The following DLGAP2 variants were observed in gnomAD, a reference collection of about 807,000 sequenced individuals.
DLGAP2 encodes disks large-associated protein 2.
A neutral mutation model predicts 100.3 loss-of-function variants in DLGAP2; 26 were observed. The ratio of observed to expected loss-of-function variants is 0.26; its 90% CI spans 0.19 to 0.36. The LOEUF (loss-of-function observed/expected upper bound fraction) is 0.36, where lower values mean the gene tolerates loss of function less well. DLGAP2 is among the 10% of genes least tolerant of loss of function. The probability of loss-of-function intolerance (pLI) is 1.00; values close to 1 mark genes in which losing one functional copy is unlikely to be tolerated. For missense variants in DLGAP2, 1,858 were observed against 1,453.2 expected (o/e 1.28, Z -4.53); for synonymous variants, 886 against 630.1 (o/e 1.41, Z -6.08).
intron 2 of DLGAP2, among the ~76,000 whole-genome samples, chr8:1,190,394 GGTCGGGGCATCTGCT>G (rs1353112576): frequency 4.0e-5 from 6 of 151,184 alleles, no homozygotes; most frequent in South Asian, 2.1e-4. Context: ...CGAGAGTCAG[GGTCGGGGCATCTGCT>G]GTTGGGGCAT....
At chr8:1,333,189 G>C (rs924165732) in intron 3 of DLGAP2, among the ~76,000 whole-genome samples, 9 of 152,140 alleles carry the variant, frequency 5.9e-5, no homozygotes, top group African/African-American at 2.2e-4. Context: ...TCCGCAGACT[G>C]TCTTCTGGCA....
chr8:1,559,202 C>G (rs1020489549), intron 5 of DLGAP2, among the ~76,000 whole-genome samples: 1 of 152,128 alleles, frequency 6.6e-6, no homozygotes, highest in South Asian at 2.1e-4. Flanking sequence ...AATTGATTGG[C>G]GTTAAATGCA....
chr8:1,025,287 G>C lies in DLGAP2; in HGVS notation c.73+117321G>C, dbSNP rs573727556. On this transcript the variant is annotated intron_variant, in intron 2 of 14. Transcript: ENST00000637795. ...TCACACTCCCCCGACCTGGATCCCC[G>C]ATCCTGAATCCAAACTTCATGACGT... Among the ~76,000 whole-genome samples, 171 of 152,136 alleles carry C rather than the reference G, an allele frequency of 1.1e-3. 1 individual carries two copies. The highest frequency in any genetic ancestry group is 2.1e-3 in the Non-Finnish European group (145 of 68,002).
At chr8:1,514,457 C>G (rs1331776294) in intron 4 of DLGAP2, among the ~76,000 whole-genome samples, 1 of 152,198 alleles carries the variant, frequency 6.6e-6, no homozygotes, top group East Asian at 1.9e-4. Flanking sequence ...GCTACTGTAT[C>G]AAGGAACAGC....
chr8:1,237,001 G>T (rs1196714424), intron 2 of DLGAP2, among the ~76,000 whole-genome samples: 3 of 140,914 alleles, frequency 2.1e-5, no homozygotes, highest in Non-Finnish European at 4.6e-5. Context: ...CACACATAGC[G>T]TCATGTCTAG....
intron 1 of DLGAP2, among the ~76,000 whole-genome samples, chr8:758,391 T>C (rs564364520): frequency 1.3e-5 from 2 of 152,212 alleles, no homozygotes; most frequent in South Asian, 2.1e-4. Context: ...TTAAAAATGA[T>C]TTAATATTTA....
chr8:1,301,129 A>C (rs1744896085), intron 3 of DLGAP2: 1 of 152,366 alleles, frequency 6.6e-6, no homozygotes, highest in South Asian at 2.1e-4. Flanking sequence ...TCTCATAGGC[A>C]GCGTGGCTGT....
intron 2 of DLGAP2, among the ~76,000 whole-genome samples, chr8:1,089,948 G>A (rs561509764): frequency 1.3e-5 from 2 of 152,180 alleles, no homozygotes; most frequent in Non-Finnish European, 2.9e-5. Context: ...TGACTTTACT[G>A]GAAGAAGTGA....
chr8:1,321,751 C>T (rs1177436109), intron 3 of DLGAP2, among the ~76,000 whole-genome samples: 2 of 152,152 alleles, frequency 1.3e-5, no homozygotes, highest in African/African-American at 4.8e-5. Context: ...TTTAGTGATT[C>T]TCTGACTTTA....
intron 3 of DLGAP2, among the ~76,000 whole-genome samples, chr8:1,472,771 C>T (rs1206713730): frequency 6.6e-6 from 1 of 152,154 alleles, no homozygotes; most frequent in Non-Finnish European, 1.5e-5. Flanking sequence ...GACAAGGATG[C>T]ACAGTGAGTT....
rs147451150 is a variant in DLGAP2, at chr8:1,621,674, C to T, written c.1443-5066C>T. 355 of 152,576 alleles carry T rather than the reference C, an allele frequency of 2.3e-3. 2 individuals carry two copies. Among genetic ancestry groups the T allele is most frequent in the Admixed American group, 8.8e-3 (135 of 15,304 alleles). 9.5% of individuals were successfully genotyped at this position (152,576 alleles called of 1,614,324 possible). On this transcript the variant is annotated intron_variant, in intron 6 of 14. Coordinates refer to ENST00000637795, the MANE Select transcript of DLGAP2 (RefSeq NM_001346810.2). ...GAGCGGGGTCACATCTCGGAGGCACCGTCAGCACCAGGAGGGCAGCCAAGC... is the reference window on the plus strand; with the variant it reads ...GAGCGGGGTCACATCTCGGAGGCACTGTCAGCACCAGGAGGGCAGCCAAGC...
At chr8:769,074 C>G (rs565766437) in intron 1 of DLGAP2, among the ~76,000 whole-genome samples, 72 of 152,178 alleles carry the variant, frequency 4.7e-4, no homozygotes, top group African/African-American at 1.7e-3. Context: ...CAGGTGTGGT[C>G]CCGCACAAGC....
intron 2 of DLGAP2, among the ~76,000 whole-genome samples, chr8:1,197,853 C>G (rs1422467953): frequency 6.6e-6 from 1 of 152,146 alleles, no homozygotes; most frequent in Non-Finnish European, 1.5e-5. Flanking sequence ...TGAGTGGAAT[C>G]AGGTTTCTCG....
chr8:1,340,699 C>T (rs1801397485), intron 3 of DLGAP2, among the ~76,000 whole-genome samples: 1 of 152,152 alleles, frequency 6.6e-6, no homozygotes, highest in African/African-American at 2.4e-5. Context: ...AAGACAAACA[C>T]CATTGGACTC....
At chr8:1,238,585 GTTACCTATCACATGGTGCCGTGTCTA>G in intron 2 of DLGAP2, among the ~76,000 whole-genome samples, 2 of 67,420 alleles carry the variant, frequency 3.0e-5, no homozygotes, top group African/African-American at 1.2e-4. Flanking sequence ...GCCGTGTCTA[GTTACCTATCACATGGTGCCGTGTCTA>G]GTTCTCTCAC....
chr8:1,281,449 C>T (rs576374583), intron 3 of DLGAP2, among the ~76,000 whole-genome samples: 8 of 152,248 alleles, frequency 5.3e-5, no homozygotes, highest in East Asian at 1.9e-4. Context: ...CAAGTTCCTG[C>T]GCCTCCCCAG....
chr8:883,459 AATG>A (rs1305078606), intron 1 of DLGAP2: 1 of 151,932 alleles, frequency 6.6e-6, no homozygotes, highest in Non-Finnish European at 1.5e-5. Context: ...AAAATACAAT[AATG>A]CTTTTATTAC....
intron 3 of DLGAP2, among the ~76,000 whole-genome samples, chr8:1,351,887 A>T (rs1363209149): frequency 1.1e-5 from 1 of 86,962 alleles, no homozygotes; most frequent in African/African-American, 3.9e-5. Context: ...TGTGTTTGGA[A>T]AGGCCGTGCG....
intron 2 of DLGAP2, among the ~76,000 whole-genome samples, chr8:1,087,229 A>G (rs1804003603): frequency 6.6e-6 from 1 of 152,248 alleles, no homozygotes; most frequent in Non-Finnish European, 1.5e-5. Flanking sequence ...AGCAAAAGCA[A>G]TTTTAAGAGG....
Sources: gnomAD v4.1 joint callset for allele counts (sites outside exome capture counted in the v4.1 genomes callset) on GRCh38, gnomAD v4.1.1 for gene constraint, MANE v1.5 for transcripts, NCBI Gene and HGNC (gene_info 2026-07-23, HGNC 2026-07-21) for gene names.